Variants in ZNF226 observed in about 807,000 individuals in gnomAD.
ZNF226 encodes zinc finger protein 226.
Under a neutral mutation model 11.4 loss-of-function variants are expected in ZNF226, and 6 were observed. That is an observed-to-expected ratio of 0.53 (90% CI 0.29 to 1.04). The LOEUF (loss-of-function observed/expected upper bound fraction) is 1.04. ZNF226 is among the 50% of genes least tolerant of loss of function. ZNF226 has a pLI of 0.08. For synonymous variants in ZNF226, 350 were observed against 322.8 expected (o/e 1.08, Z -0.90); for missense variants, 1,058 against 956.5 (o/e 1.11, Z -1.40).
the ZNF226 span, among the ~76,000 whole-genome samples, chr19:44,187,550 ATTAAT>A: frequency 3.3e-4 from 50 of 151,388 alleles, no homozygotes; most frequent in South Asian, 9.9e-3. This position sits in a 1 kb window ranked among gnomAD's most constrained non-coding sequence, Gnocchi z 4.0. Context: ...ATTTTTACTA[ATTAAT>A]TTGTCAATTG....
At chr19:44,188,873 G>A in the ZNF226 span, among the ~76,000 whole-genome samples, 1 of 152,186 alleles carries the variant, frequency 6.6e-6, no homozygotes, top group African/African-American at 2.4e-5. Flanking sequence ...GGAGGTAAAT[G>A]AAGACAAGAG....
chr19:44,198,813 T>C, the ZNF226 span, among the ~76,000 whole-genome samples: 1 of 152,206 alleles, frequency 6.6e-6, no homozygotes, highest in Non-Finnish European at 1.5e-5. Flanking sequence ...AACTTTTCTT[T>C]CTTTTTTTTG....
the ZNF226 span, among the ~76,000 whole-genome samples, chr19:44,195,313 A>G: frequency 6.6e-6 from 1 of 152,254 alleles, no homozygotes; most frequent in Non-Finnish European, 1.5e-5. Context: ...AAGGAAGGCC[A>G]TAGAAGCAGA....
chr19:44,198,863 G>C, the ZNF226 span, among the ~76,000 whole-genome samples: 3 of 152,094 alleles, frequency 2.0e-5, no homozygotes, highest in African/African-American at 4.8e-5. Context: ...GGAGTGCAGT[G>C]GTGCGATCTC....
At chr19:44,165,643 C>T (rs1969279090) in intron 1 of ZNF226, 114 bp from the exon 2 acceptor site, 1 of 152,174 alleles carries the variant, frequency 6.6e-6, no homozygotes, top group East Asian at 1.9e-4. Flanking sequence ...TTGTCCCTGA[C>T]CTCTTTTGAG....
At position 44,176,941 on chromosome 19, in the gene ZNF226, AGT is replaced by A. The variant is rs1645055220; in HGVS notation, c.1683_1684del (p.Cys561Ter). On this transcript the variant is annotated frameshift_variant, in exon 6 of 6. Transcript: ENST00000337433. LOFTEE classifies it low-confidence loss of function (END_TRUNC). ...GCCCACAGTATAGAGAAACCTTTTAAGTGTGAGGAGTGTGGGCAGGGTTTCAA... is the reference window on the plus strand; with the variant it reads ...GCCCACAGTATAGAGAAACCTTTTAAGTGAGGAGTGTGGGCAGGGTTTCAA... 1 of 1,613,748 alleles carries A rather than the reference AGT, an allele frequency of 6.2e-7. No homozygotes were observed. The highest frequency in any genetic ancestry group is 8.5e-7 in the Non-Finnish European group (1 of 1,179,876).
chr19:44,172,150 C>G lies in ZNF226; in HGVS notation c.78C>G (p.Gly26=). The change falls in exon 4 of 6, where the codon GGC becomes GGG. Residue 26 remains glycine, a synonymous_variant. Transcript: ENST00000337433. ...CGGAGGAGGAATTGGGGCTGCTGGG[C>G]CCTGCCCAGAGGAAGCTGTACCGAG... ...AFTEEELGLL[G]PAQRKLYRDV... is the part of the protein sequence containing the mutation. The G allele has an allele frequency of 6.2e-7, 1 of 1,613,256 alleles. No homozygotes were observed. The highest frequency in any genetic ancestry group is 8.5e-7 in the Non-Finnish European group (1 of 1,179,474).
In ZNF226 at chr19:44,177,593, T is replaced by C; in HGVS notation, c.2331T>C (p.His777=). The change falls in exon 6 of 6, where the codon CAT becomes CAC. Residue 777 remains histidine (H), a synonymous_variant. Transcript: ENST00000337433. The part of the protein sequence containing the change: ...RSNLTVHHRI[H]VGDKSYKSNR... ...ATCTTACAGTTCATCACAGAATCCA[T>C]GTTGGTGATAAATCCTATAAAAGTA... The C allele has an allele frequency of 2.5e-6, 4 of 1,613,926 alleles. No homozygotes were observed. The highest frequency in any genetic ancestry group is 3.4e-6 in the Non-Finnish European group (4 of 1,179,862).
At chr19:44,191,651 A>G in the ZNF226 span, among the ~76,000 whole-genome samples, 9 of 152,210 alleles carry the variant, frequency 5.9e-5, no homozygotes, top group Non-Finnish European at 7.4e-5. Context: ...AAAAATGTCA[A>G]AATGGTTAAA....
At chr19:44,180,086 CAAAA>C (rs60173546), downstream of ZNF226, among the ~76,000 whole-genome samples, 23 of 54,744 alleles carry the variant, frequency 4.2e-4, no homozygotes, top group South Asian at 1.3e-3. Context: ...GACTCTGTCT[CAAAA>C]AAAAAAAAAA....
Position 44,177,654 on chromosome 19 carries a change from GAA to G in ZNF226, c.2399_2400del (p.Lys800IlefsTer?), listed in dbSNP as rs201600907. 7 of 1,580,674 alleles carry G rather than the reference GAA, an allele frequency of 4.4e-6. No homozygotes were observed. Among genetic ancestry groups the G allele is most frequent in the Non-Finnish European group, 6.0e-6 (7 of 1,166,084 alleles). On this transcript the variant is annotated frameshift_variant, in exon 6 of 6. Coordinates refer to ENST00000337433, the MANE Select transcript of ZNF226 (RefSeq NM_001032373.2). LOFTEE classifies it high-confidence loss of function. Reference sequence around the variant, plus strand: ...TAAGAACATCAGAGAATCCACACAGGAAAAAAAATCTATAAAATGATTCTTTG... The same window carrying G: ...TAAGAACATCAGAGAATCCACACAGGAAAAAATCTATAAAATGATTCTTTG... Reference protein sequence around the residue: ...GGKNIRESTQEKKSIK With the variant: ...GGKNIRESTQXKKSIK
chr19:44,198,165 G>T, the ZNF226 span, among the ~76,000 whole-genome samples: 305 of 152,092 alleles, frequency 2.0e-3, 2 homozygotes, highest in African/African-American at 7.0e-3. Flanking sequence ...TCTTCCATTA[G>T]TCTATTCATA....
In ZNF226 at chr19:44,172,840, G is replaced by A. The variant is rs113255962; in HGVS notation, c.143-20G>A. The A allele has an allele frequency of 0.014, 22,556 of 1,574,950 alleles. 225 individuals are homozygous for A. The highest frequency in any genetic ancestry group is 0.018 in the Non-Finnish European group (20,342 of 1,157,794). ...ACTCTAATATGTTCATTTTCAACTT[G>A]TGATTTGGCATTTTCACAGGGCATC... On this transcript the variant is annotated intron_variant, in intron 4 of 5. Transcript: ENST00000337433.
At chr19:44,174,861 C>T (rs899805240) in intron 5 of ZNF226, 8 of 906,592 alleles carry the variant, frequency 8.8e-6, no homozygotes, top group Non-Finnish European at 1.3e-5. Context: ...TTCCTTTCAC[C>T]CCAAGTGATT....
At chr19:44,196,584 C>G in the ZNF226 span, among the ~76,000 whole-genome samples, 1 of 152,202 alleles carries the variant, frequency 6.6e-6, no homozygotes, top group Non-Finnish European at 1.5e-5. Flanking sequence ...GACAATTACT[C>G]TAGATATGAA....
intron 2 of ZNF226, among the ~76,000 whole-genome samples, chr19:44,166,202 G>A (rs943511416): frequency 1.3e-5 from 2 of 152,070 alleles, no homozygotes; most frequent in Admixed American, 6.6e-5. Flanking sequence ...GCTATTCTAT[G>A]ACTTTTAAAA....
Position 44,175,796 on chromosome 19 carries a change from G to A in ZNF226, c.534G>A (p.Leu178=). 6.2e-7 allele frequency: 1 copy of A among 1,613,640 alleles called. No individual in the cohort carries two copies. The highest frequency in any genetic ancestry group is 8.5e-7 in the Non-Finnish European group (1 of 1,179,804). ...AGGATTCTTGGAGGAAAACATTCCT[G>A]ACTGAGTCACAGAGATTGAACAGAG... ...RTQDSWRKTF[L]TESQRLNRDQ... is the part of the protein sequence containing the mutation. Residue 178 remains leucine, a synonymous_variant, in exon 6 of 6, where the codon CTG becomes CTA. Transcript: ENST00000337433.
chr19:44,187,358 A>T, the ZNF226 span, among the ~76,000 whole-genome samples: 1 of 151,926 alleles, frequency 6.6e-6, no homozygotes, highest in Non-Finnish European at 1.5e-5. The surrounding 1 kb of genome is among the most constrained non-coding windows in gnomAD (Gnocchi z 4.0). Context: ...GATAGGTTGC[A>T]TATTCCTAGT....
Sources: gnomAD v4.1 joint callset for allele counts (sites outside exome capture counted in the v4.1 genomes callset) on GRCh38, gnomAD v4.1.1 for gene constraint, Gnocchi (gnomAD v3.1) non-coding constraint, MANE v1.5 for transcripts, NCBI Gene and HGNC (gene_info 2026-07-23, HGNC 2026-07-21) for gene names.